The following USH2A variants were observed in gnomAD, a reference collection of about 807,000 sequenced individuals.
The protein encoded by USH2A is Usher syndrome 2A (autosomal recessive, mild).
In USH2A, 443 loss-of-function variants were observed where a neutral mutation model predicts 538.9. The observed-to-expected ratio is 0.82, with a 90% confidence interval of 0.76 to 0.89. The LOEUF (loss-of-function observed/expected upper bound fraction) is 0.89, where lower values mean the gene tolerates loss of function less well. Among genes scored for constraint, USH2A ranks in the 40% least tolerant of loss-of-function variants. The pLI, the probability that USH2A is intolerant of heterozygous loss-of-function variation, is 0.00. For missense variants in USH2A, 6,633 were observed against 6,324.8 expected, an observed-to-expected ratio of 1.05 and a Z score of -1.65; for synonymous variants, 2,413 against 2,273.5, an observed-to-expected ratio of 1.06 and a Z score of -1.75.
rs116145086 is a variant in USH2A, at chr1:215,842,337, G to T, written c.9258+1957C>A. On this transcript the variant is annotated intron_variant, in intron 46 of 71. Coordinates refer to ENST00000307340, the MANE Select transcript of USH2A (RefSeq NM_206933.4). ...ATGCTGGTGAAGCTGTGGAGAAATAGAAGGGCTTTTACACTGTTGGTGGGA... is the reference window on the plus strand; with the variant it reads ...ATGCTGGTGAAGCTGTGGAGAAATATAAGGGCTTTTACACTGTTGGTGGGA... 5.4e-3 allele frequency among the ~76,000 whole-genome samples: 818 copies of T among 152,274 alleles called. 6 individuals are homozygous for T. The highest frequency in any genetic ancestry group is 0.018 in the African/African-American group (757 of 41,564).
intron 32 of USH2A, among the ~76,000 whole-genome samples, chr1:216,007,864 T>G (rs1389315789): frequency 6.6e-6 from 1 of 152,236 alleles, no homozygotes; most frequent in Non-Finnish European, 1.5e-5. Context: ...CTAAGTTGCA[T>G]GGGAGTAAAG....
chr1:216,357,375 GA>G (rs2038409513), intron 4 of USH2A, among the ~76,000 whole-genome samples: 1 of 151,748 alleles, frequency 6.6e-6, no homozygotes, highest in African/African-American at 2.4e-5. Context: ...AATTCTCTCT[GA>G]AAAAAATTAG....
At chr1:215,990,551 A>C (rs1310828483) in intron 35 of USH2A, among the ~76,000 whole-genome samples, 1 of 152,136 alleles carries the variant, frequency 6.6e-6, no homozygotes, top group Non-Finnish European at 1.5e-5. Context: ...CATATACGCA[A>C]ATAACTTTAA....
rs189153128 is a variant in USH2A, at chr1:216,166,264, A to G, written c.4627+8988T>C. Among the ~76,000 whole-genome samples, 52 of 152,176 alleles carry G rather than the reference A, an allele frequency of 3.4e-4. No individual in the cohort carries two copies. The East Asian group carries it at 3.9e-3, about 11-fold the overall frequency. On this transcript the variant is annotated intron_variant, in intron 21 of 71. Coordinates refer to ENST00000307340, the MANE Select transcript of USH2A (RefSeq NM_206933.4). The stretch of plus-strand genomic sequence containing the variant: ...GCAAATAGATGAGGGCATACCCGGC[A>G]AAGGTATCAATATGTTCAAAGAGAT...
At chr1:215,992,687 A>C (rs1668029551) in intron 35 of USH2A, among the ~76,000 whole-genome samples, 1 of 152,186 alleles carries the variant, frequency 6.6e-6, no homozygotes, top group Non-Finnish European at 1.5e-5. Context: ...AATGGCTTTT[A>C]AAAACAGAAA....
At chr1:216,112,663 T>C (rs898090789) in intron 21 of USH2A, among the ~76,000 whole-genome samples, 3 of 152,128 alleles carry the variant, frequency 2.0e-5, no homozygotes, top group African/African-American at 4.8e-5. Context: ...TTTGTGTTCA[T>C]GAGTTCTCAT....
At chr1:215,859,424 C>G (rs1664258598) in intron 44 of USH2A, among the ~76,000 whole-genome samples, 1 of 152,068 alleles carries the variant, frequency 6.6e-6, no homozygotes, top group South Asian at 2.1e-4. Context: ...GTCCCAGCTA[C>G]TTGGGAGGCT....
intron 49 of USH2A, among the ~76,000 whole-genome samples, chr1:215,800,691 G>A (rs1247531434): frequency 6.6e-6 from 1 of 152,026 alleles, no homozygotes; most frequent in East Asian, 1.9e-4. Context: ...AGATATATAA[G>A]GAGTATAAAT....
intron 11 of USH2A, among the ~76,000 whole-genome samples, chr1:216,281,971 C>A (rs765838478): frequency 3.6e-5 from 5 of 137,790 alleles, no homozygotes; most frequent in Non-Finnish European, 7.6e-5. Flanking sequence ...TGTCAAAAAT[C>A]TTTTTATGTG....
At chr1:215,772,002 G>A (rs1221519420) in intron 55 of USH2A, among the ~76,000 whole-genome samples, 1 of 152,154 alleles carries the variant, frequency 6.6e-6, no homozygotes, top group African/African-American at 2.4e-5. Context: ...CTGTAAGAAA[G>A]CATCAACTAC....
chr1:215,959,225 C>G (rs1056200180), intron 37 of USH2A, among the ~76,000 whole-genome samples: 1 of 151,746 alleles, frequency 6.6e-6, no homozygotes, highest in African/African-American at 2.4e-5. Flanking sequence ...ATATAACCAC[C>G]TAGAGATAAC....
chr1:216,271,379 A>G (rs184794875), intron 11 of USH2A, among the ~76,000 whole-genome samples: 147 of 152,130 alleles, frequency 9.7e-4, no homozygotes, highest in Non-Finnish European at 1.7e-3. Context: ...TACGAAGGAG[A>G]GTAGTGTGAG....
In USH2A at chr1:215,766,696, G is replaced by T; in HGVS notation, c.11032C>A (p.Gln3678Lys). The T allele has an allele frequency of 6.2e-7, 1 of 1,613,502 alleles. No homozygotes were observed. Among genetic ancestry groups the T allele is most frequent in the African/African-American group, 1.3e-5 (1 of 75,018 alleles). The change falls in exon 56 of 72, where the codon CAG (glutamine) becomes AAG (lysine). Residue 3678 changes from glutamine to lysine, a missense_variant. By Grantham distance (53) the Gln-to-Lys change is moderately conservative (BLOSUM62 1). Transcript: ENST00000307340. ...GTTTCATTACCTTCAGGAGCTGCCTGCAGTGTCTGACCTAGAAAAGGCTCG... is the reference window on the plus strand; with the variant it reads ...GTTTCATTACCTTCAGGAGCTGCCTTCAGTGTCTGACCTAGAAAAGGCTCG... ...SSEPFLGQTL[Q>K]AAPEGVWVTP...
At chr1:215,801,428 C>A (rs999402585) in intron 49 of USH2A, among the ~76,000 whole-genome samples, 4 of 145,100 alleles carry the variant, frequency 2.8e-5, no homozygotes, top group Admixed American at 1.4e-4. Context: ...AACTAATAAA[C>A]AATTCAGCAC....
At chr1:215,680,476 G>T in intron 61 of USH2A, 100 bp from the exon 62 acceptor site, 2 of 1,149,008 alleles carry the variant, frequency 1.7e-6, no homozygotes, top group Admixed American at 1.8e-5. Flanking sequence ...AAGCTTGTAG[G>T]CAACAGCAGC....
intron 64 of USH2A, among the ~76,000 whole-genome samples, chr1:215,651,164 A>C (rs1252676177): frequency 6.6e-6 from 1 of 152,322 alleles, no homozygotes. Flanking sequence ...ACTACAAAAA[A>C]CTCAGCAATT....
At chr1:216,241,095 T>C in intron 13 of USH2A, among the ~76,000 whole-genome samples, 1 of 152,142 alleles carries the variant, frequency 6.6e-6, no homozygotes, top group East Asian at 1.9e-4. Flanking sequence ...GTACAGTAAA[T>C]TTATATAGTC....
intron 9 of USH2A, among the ~76,000 whole-genome samples, chr1:216,308,790 G>C (rs1465258749): frequency 1.3e-5 from 2 of 152,086 alleles, no homozygotes; most frequent in Non-Finnish European, 2.9e-5. Context: ...TATACAATAA[G>C]CCTCTTTTTC....
At chr1:215,676,290 A>G (rs968406698) in intron 62 of USH2A, among the ~76,000 whole-genome samples, 6 of 152,204 alleles carry the variant, frequency 3.9e-5, no homozygotes, top group African/African-American at 1.4e-4. Flanking sequence ...GGGGCAAAGT[A>G]GTCTTTTGTT....
Sources: gnomAD v4.1 joint callset for allele counts (sites outside exome capture counted in the v4.1 genomes callset) on GRCh38, gnomAD v4.1.1 for gene constraint, MANE v1.5 for transcripts, NCBI Gene and HGNC (gene_info 2026-07-23, HGNC 2026-07-21) for gene names.